The following RXRG variants were observed in gnomAD, a reference collection of about 807,000 sequenced individuals.
The protein encoded by RXRG is retinoic acid receptor RXR-gamma.
Under a neutral mutation model 49.2 loss-of-function variants are expected in RXRG, and 19 were observed. The observed-to-expected ratio is 0.39, with a 90% CI of 0.27 to 0.57. The LOEUF (loss-of-function observed/expected upper bound fraction) is 0.57. Ranked by LOEUF, RXRG falls within the 20% of genes least tolerant of loss-of-function variation. The pLI is 0.64. For synonymous variants in RXRG, 224 were observed against 216.6 expected, an observed-to-expected ratio of 1.03 and a Z score of -0.30; for missense variants, 452 against 592.5, an observed-to-expected ratio of 0.76 and a Z score of 2.46.
intron 7 of RXRG, among the ~76,000 whole-genome samples, chr1:165,408,827 A>C (rs3767339): frequency 0.58 from 87,764 of 151,992 alleles, 26,610 homozygotes; most frequent in Middle Eastern, 0.69. Flanking sequence ...AGCTCAGTGG[A>C]TGTGCACATG....
At chr1:165,427,883 C>A (rs1658542785) in intron 2 of RXRG, among the ~76,000 whole-genome samples, 1 of 152,204 alleles carries the variant, frequency 6.6e-6, no homozygotes, top group Non-Finnish European at 1.5e-5. Flanking sequence ...CAAGTAGCTG[C>A]CACTCCTACT....
chr1:165,420,078 G>A, intron 2 of RXRG, 64 bp from the exon 3 acceptor site: 5 of 1,303,002 alleles, frequency 3.8e-6, no homozygotes, highest in Middle Eastern at 2.0e-4. Context: ...AAGGCCTAAG[G>A]CAATGAGGGC....
chr1:165,422,983 C>T (rs909294283), intron 2 of RXRG, among the ~76,000 whole-genome samples: 1 of 152,228 alleles, frequency 6.6e-6, no homozygotes, highest in Admixed American at 6.5e-5. Flanking sequence ...ACCTCCTTGG[C>T]CAGGAGCCCC....
intron 3 of RXRG, among the ~76,000 whole-genome samples, chr1:165,418,605 G>A (rs889903421): frequency 4.6e-5 from 7 of 152,120 alleles, no homozygotes; most frequent in African/African-American, 1.2e-4. Context: ...ACTACAGGCC[G>A]GCTTTTCACA....
At chr1:165,408,438 C>T in intron 7 of RXRG, 120 bp from the exon 8 acceptor site, 1 of 705,122 alleles carries the variant, frequency 1.4e-6, no homozygotes, top group Admixed American at 2.1e-5. Context: ...GTACCAGTTA[C>T]TAGGGGTACA....
intron 2 of RXRG, among the ~76,000 whole-genome samples, chr1:165,423,851 C>T (rs183252220): frequency 1.1e-3 from 169 of 152,216 alleles, no homozygotes; most frequent in Non-Finnish European, 1.9e-3. Flanking sequence ...AATCATCAGA[C>T]GAGATGAACT....
chr1:165,437,526 A>C (rs1658852201), intron 1 of RXRG, among the ~76,000 whole-genome samples: 1 of 152,198 alleles, frequency 6.6e-6, no homozygotes, highest in South Asian at 2.1e-4. Context: ...TGCCGTCTTT[A>C]GAAGACAATC....
intron 2 of RXRG, among the ~76,000 whole-genome samples, chr1:165,421,494 C>G (rs1203788796): frequency 6.6e-6 from 1 of 151,302 alleles, no homozygotes; most frequent in Non-Finnish European, 1.5e-5. Flanking sequence ...ATTATGATTC[C>G]ATGAGTCTGA....
intron 1 of RXRG, chr1:165,437,237 A>T: frequency 1.5e-6 from 2 of 1,366,318 alleles, no homozygotes; most frequent in Non-Finnish European, 2.0e-6. Context: ...TCAGTCAGCC[A>T]GCACGCCTGG....
chr1:165,428,834 G>T lies in RXRG; in HGVS notation c.182C>A (p.Thr61Asn), dbSNP rs149455886. 25 of 1,614,036 alleles carry T rather than the reference G, an allele frequency of 1.5e-5. No individual in the cohort carries two copies. The highest frequency in any genetic ancestry group is 1.3e-4 in the African/African-American group (10 of 74,924). Residue 61 changes from threonine to asparagine, a missense_variant, in exon 2 of 10, where the codon ACC becomes AAC. Physicochemically the swap from Thr to Asn is moderately conservative, Grantham distance 65. Around this residue, in one of 2 missense-constraint regions of RXRG, gnomAD observed 166 missense variants for 151.7 expected, o/e 1.09. Transcript: ENST00000359842. The stretch of plus-strand genomic sequence containing the variant: ...TGGAGAGCCCAGGGCATTGAGGGGG[G>T]TCCCCACTGCACTCAGAGTCCGTGG... Reference protein sequence around the residue: ...SAPRTLSAVGTPLNALGSPYR... With the variant: ...SAPRTLSAVGNPLNALGSPYR...
chr1:165,403,381 C>T (rs764527099), intron 9 of RXRG, among the ~76,000 whole-genome samples: 9 of 152,198 alleles, frequency 5.9e-5, no homozygotes, highest in Admixed American at 2.0e-4. Flanking sequence ...AGTGTCACAA[C>T]ATTATTTCAT....
chr1:165,418,224 C>T (rs937551434), intron 3 of RXRG, among the ~76,000 whole-genome samples: 4 of 151,846 alleles, frequency 2.6e-5, no homozygotes, highest in South Asian at 2.1e-4. Context: ...TCAATTACCC[C>T]AGGCAGGGGT....
chr1:165,417,106 C>T lies in RXRG; in HGVS notation c.557G>A (p.Arg186His), dbSNP rs375067231. 3.1e-6 allele frequency: 5 copies of T among 1,614,058 alleles called. No homozygotes were observed. The highest frequency in any genetic ancestry group is 2.2e-5 in the South Asian group (2 of 91,082). ...RDNKDCLIDK[R>H]QRNRCQYCRY... ...ACAGTACTGGCAGCGGTTGCGCTGA[C>T]GCTTGTCAATGAGGCAGTCTTTATT... is the stretch of plus-strand genomic sequence containing the variant. Residue 186 changes from arginine (R) to histidine (H), a missense_variant, in exon 4 of 10, where the codon CGT (arginine) becomes CAT (histidine). By Grantham distance (29) the Arg-to-His change is conservative (BLOSUM62 0). Transcript: ENST00000359842.
intron 2 of RXRG, chr1:165,424,928 G>GC: frequency 1.0e-6 from 1 of 985,530 alleles, no homozygotes; most frequent in Non-Finnish European, 1.2e-6. Context: ...GCAAAGCATT[G>GC]CTGCAGTGTG....
chr1:165,408,375 A>G, intron 7 of RXRG, 57 bp from the exon 8 acceptor site: 1 of 1,326,950 alleles, frequency 7.5e-7, no homozygotes, highest in Non-Finnish European at 1.1e-6. Flanking sequence ...GCCAAGAGCC[A>G]ATAAAATGAA....
intron 2 of RXRG, 96 bp downstream of exon 2, chr1:165,428,623 A>G (rs1186977897): frequency 4.9e-6 from 7 of 1,424,060 alleles, no homozygotes; most frequent in Non-Finnish European, 6.7e-6. Context: ...GCAAGCACGC[A>G]TTATGGACCT....
chr1:165,407,841 G>A (rs185751641), intron 8 of RXRG, among the ~76,000 whole-genome samples: 93 of 119,914 alleles, frequency 7.8e-4, no homozygotes, highest in Non-Finnish European at 3.0e-4. Context: ...CATTGTTCAG[G>A]AAAACAAAAC....
intron 6 of RXRG, among the ~76,000 whole-genome samples, chr1:165,410,336 G>A (rs892505482): frequency 3.9e-5 from 6 of 152,184 alleles, no homozygotes; most frequent in African/African-American, 9.7e-5. Context: ...AGTGGAACCC[G>A]TCTAGTACAA....
chr1:165,406,452 G>A (rs1411751856), intron 9 of RXRG, among the ~76,000 whole-genome samples: 1 of 152,198 alleles, frequency 6.6e-6, no homozygotes, highest in East Asian at 1.9e-4. Flanking sequence ...CACCTCCACC[G>A]CGTGCTAGCA....
Sources: allele counts gnomAD v4.1 joint callset (sites outside exome capture counted in the v4.1 genomes callset), GRCh38; gene constraint gnomAD v4.1.1; regional missense constraint gnomAD v4.1.1; transcripts MANE v1.5; gene names NCBI Gene and HGNC (gene_info 2026-07-23, HGNC 2026-07-21).